Variants in TMEM245 observed in about 807,000 individuals in gnomAD.
The protein encoded by TMEM245 is transmembrane protein 245.
A neutral mutation model predicts 101.2 loss-of-function variants in TMEM245; 69 were observed. The observed-to-expected ratio is 0.68, with a 90% CI of 0.56 to 0.83. The LOEUF (loss-of-function observed/expected upper bound fraction) is 0.83, where lower values mean the gene tolerates loss of function less well. Ranked by LOEUF, TMEM245 falls within the 40% of genes least tolerant of loss-of-function variation. TMEM245 has a pLI of 0.00. For synonymous variants in TMEM245, 537 were observed against 449.8 expected, an observed-to-expected ratio of 1.19 and a Z score of -2.45; for missense variants, 1,075 against 1,092.8, an observed-to-expected ratio of 0.98 and a Z score of 0.23.
intron 4 of TMEM245, among the ~76,000 whole-genome samples, chr9:109,092,189 G>T (rs554824357): frequency 5.3e-5 from 8 of 152,262 alleles, no homozygotes; most frequent in Admixed American, 2.0e-4. Flanking sequence ...TCCCTCCACT[G>T]AATTCCTGGC....
chr9:109,096,492 TGACA>T (rs1295562861), intron 3 of TMEM245, among the ~76,000 whole-genome samples: 2 of 152,052 alleles, frequency 1.3e-5, no homozygotes, highest in Non-Finnish European at 2.9e-5. Context: ...TCTGCCTGGG[TGACA>T]GAGTGAGACT....
chr9:109,074,983 TG>T (rs890829230), intron 8 of TMEM245, among the ~76,000 whole-genome samples: 3 of 152,094 alleles, frequency 2.0e-5, no homozygotes, highest in African/African-American at 7.2e-5. Context: ...TAGCATTTTG[TG>T]GGATATGGAA....
At chr9:109,099,251 T>C (rs1830222104) in intron 3 of TMEM245, among the ~76,000 whole-genome samples, 1 of 152,202 alleles carries the variant, frequency 6.6e-6, no homozygotes, top group South Asian at 2.1e-4. Context: ...TCTCTAGGCC[T>C]GTTTAACTTG....
intron 1 of TMEM245, among the ~76,000 whole-genome samples, chr9:109,111,677 T>G (rs1830570788): frequency 6.6e-6 from 1 of 152,188 alleles, no homozygotes; most frequent in Non-Finnish European, 1.5e-5. Flanking sequence ...ATTGAGAACT[T>G]AAATATCATT....
intron 12 of TMEM245, among the ~76,000 whole-genome samples, chr9:109,055,958 T>C (rs968494120): frequency 1.3e-5 from 2 of 152,094 alleles, no homozygotes; most frequent in Non-Finnish European, 2.9e-5. Flanking sequence ...AAAGGCAAGT[T>C]GAAGCTATTT....
chr9:109,050,588 G>A lies in TMEM245; in HGVS notation c.1959C>T (p.Leu653=), dbSNP rs746465791. 1.2e-6 allele frequency: 2 copies of A among 1,613,862 alleles called. No individual in the cohort carries two copies. Among genetic ancestry groups the A allele is most frequent in the Non-Finnish European group, 1.7e-6 (2 of 1,179,984 alleles). The change falls in exon 13 of 18, where the codon CTC becomes CTT. Residue 653 remains leucine (L), a synonymous_variant. Coordinates refer to ENST00000374586, the MANE Select transcript of TMEM245 (RefSeq NM_032012.4). ...GACGTACCAGAGAGAGTACAAAATT[G>A]AGAAGGGCTGTCCCGCTGTAGAAGA... ...TILFYSGTAL[L]NFVLSLIIFL...
intron 14 of TMEM245, among the ~76,000 whole-genome samples, chr9:109,047,464 C>A (rs540515836): frequency 5.1e-4 from 77 of 152,324 alleles, no homozygotes; most frequent in African/African-American, 1.7e-3. Flanking sequence ...CTAACCAGCT[C>A]CTCTTGAAAG....
At position 109,073,364 on chromosome 9, in the gene TMEM245, CT is replaced by C; in HGVS notation, c.1523del (p.Glu508GlyfsTer11). 6.2e-7 allele frequency: 1 copy of C among 1,612,420 alleles called. No individual in the cohort carries two copies. The highest frequency in any genetic ancestry group is 8.5e-7 in the Non-Finnish European group (1 of 1,178,924). ...CAAAACAATATTCTTACTTTGCCCA[CT>C]CAGGGTGATTTGCTAGAGTTTCATT... ...LINETLANHP[E>X]WANWLPEAQV... On this transcript the variant is annotated frameshift_variant, in exon 9 of 18. Transcript: ENST00000374586. LOFTEE classifies it high-confidence loss of function.
chr9:109,027,905 C>T (rs1827834694), intron 17 of TMEM245, among the ~76,000 whole-genome samples: 1 of 151,588 alleles, frequency 6.6e-6, no homozygotes, highest in Non-Finnish European at 1.5e-5. Context: ...TGGTCTTGAA[C>T]TCCTGACCTC....
At chr9:109,088,109 G>A (rs1447590424) in intron 5 of TMEM245, among the ~76,000 whole-genome samples, 4 of 152,204 alleles carry the variant, frequency 2.6e-5, no homozygotes, top group African/African-American at 9.6e-5. Context: ...CAACTGTGAG[G>A]CTTGCCTTCA....
intron 14 of TMEM245, 28 bp downstream of exon 14, chr9:109,050,255 A>G (rs1588034346): frequency 6.2e-7 from 1 of 1,607,570 alleles, no homozygotes; most frequent in East Asian, 2.2e-5. Flanking sequence ...TCTGGGAGAA[A>G]TAAGAATAGC....
intron 14 of TMEM245, among the ~76,000 whole-genome samples, chr9:109,040,777 C>T (rs748183722): frequency 7.2e-5 from 11 of 152,096 alleles, no homozygotes; most frequent in Non-Finnish European, 1.6e-4. Context: ...TAGTTGGTTC[C>T]TTTTTTACTA....
At chr9:109,086,252 G>C in intron 6 of TMEM245, among the ~76,000 whole-genome samples, 1 of 152,120 alleles carries the variant, frequency 6.6e-6, no homozygotes, top group Non-Finnish European at 1.5e-5. Context: ...TCTTTGTTGG[G>C]AATCCAACAA....
At chr9:109,087,115 T>G (rs1404517750) in intron 6 of TMEM245, 58 bp downstream of exon 6, 2 of 1,479,772 alleles carry the variant, frequency 1.4e-6, no homozygotes, top group African/African-American at 2.9e-5. Flanking sequence ...ATGGAAAAGT[T>G]CAAACCACGA....
At chr9:109,043,002 C>A (rs1197996268) in intron 14 of TMEM245, among the ~76,000 whole-genome samples, 2 of 151,996 alleles carry the variant, frequency 1.3e-5, no homozygotes, top group Non-Finnish European at 2.9e-5. Flanking sequence ...CACACACAAC[C>A]CACTACGTGC....
Position 109,110,209 on chromosome 9 carries a change from G to A in TMEM245, c.580-1639C>T, listed in dbSNP as rs184273877. On this transcript the variant is annotated intron_variant, in intron 1 of 17. Transcript: ENST00000374586. ...ATTTGAGATCTGATTGCAGAGCATA[G>A]AAAAAAATCTGAGTACAATAATAGT... Among the ~76,000 whole-genome samples the A allele has an allele frequency of 1.5e-3, 227 of 152,152 alleles. 1 individual carries two copies. The highest frequency in any genetic ancestry group is 2.6e-4 in the Non-Finnish European group (18 of 67,946).
chr9:109,065,842 G>A (rs557135981), intron 9 of TMEM245, among the ~76,000 whole-genome samples: 1 of 152,134 alleles, frequency 6.6e-6, no homozygotes, highest in South Asian at 2.1e-4. Context: ...GCCCCAAAAT[G>A]ACACATCCTA....
chr9:109,027,251 A>ATATCTGCTCT (rs1355232100), intron 17 of TMEM245, among the ~76,000 whole-genome samples: 1 of 152,086 alleles, frequency 6.6e-6, no homozygotes, highest in Non-Finnish European at 1.5e-5. Flanking sequence ...AAGAGCAGTA[A>ATATCTGCTCT]GACAACACCC....
Position 109,091,012 on chromosome 9 carries a change from T to C in TMEM245, c.1060A>G (p.Ile354Val). 3.1e-6 allele frequency: 5 copies of C among 1,614,178 alleles called. No individual in the cohort carries two copies. Among genetic ancestry groups the C allele is most frequent in the Non-Finnish European group, 3.4e-6 (4 of 1,180,030 alleles). Reference protein sequence around the residue: ...TFLRKKKTSDIYFVSLVWAIV... With the variant: ...TFLRKKKTSDVYFVSLVWAIV... ...GCCCAAACTAGAGACACAAAGTAGA[T>C]GTCACTAGTTTTCTTCTTTCTAAGA... The change falls in exon 5 of 18, where the codon ATC (isoleucine) becomes GTC (valine). Residue 354 changes from isoleucine to valine, a missense_variant. This residue lies in a region of TMEM245 where 808 missense variants were observed against 741.5 expected (regional missense o/e 1.09). Transcript: ENST00000374586.
Sources: allele counts gnomAD v4.1 joint callset (sites outside exome capture counted in the v4.1 genomes callset), GRCh38; gene constraint gnomAD v4.1.1; regional missense constraint gnomAD v4.1.1; transcripts MANE v1.5; gene names NCBI Gene and HGNC (gene_info 2026-07-23, HGNC 2026-07-21).